The following FNIP1 variants were observed in gnomAD, a reference collection of about 807,000 sequenced individuals.
The protein encoded by FNIP1 is folliculin interacting protein 1.
In FNIP1, 40 loss-of-function variants were observed where a neutral mutation model predicts 124.5. That is an observed-to-expected ratio of 0.32 (90% CI 0.25 to 0.42). FNIP1 has a LOEUF of 0.42. Among genes scored for constraint, FNIP1 ranks in the 10% least tolerant of loss-of-function variants. The pLI is 1.00. For synonymous variants in FNIP1, 472 were observed against 470.6 expected, an observed-to-expected ratio of 1.00 and a Z score of -0.04; for missense variants, 1,176 against 1,403.7, an observed-to-expected ratio of 0.84 and a Z score of 2.59.
intron 1 of FNIP1, among the ~76,000 whole-genome samples, chr5:131,761,164 G>A (rs904706308): frequency 6.6e-6 from 1 of 152,100 alleles, no homozygotes; most frequent in South Asian, 2.1e-4. Flanking sequence ...CAAAGTATAT[G>A]GTCATATAAT....
At chr5:131,734,353 C>A (rs1259849365) in intron 2 of FNIP1, among the ~76,000 whole-genome samples, 1 of 152,110 alleles carries the variant, frequency 6.6e-6, no homozygotes, top group Non-Finnish European at 1.5e-5. Flanking sequence ...TTAGTTATTT[C>A]TTGCCTTCTG....
At chr5:131,740,882 G>T (rs1437297461) in intron 2 of FNIP1, among the ~76,000 whole-genome samples, 1 of 152,176 alleles carries the variant, frequency 6.6e-6, no homozygotes, top group East Asian at 1.9e-4. Flanking sequence ...CCAAGATGGC[G>T]ACAAGAGTGA....
chr5:131,671,037 A>G (rs988051060), intron 14 of FNIP1, among the ~76,000 whole-genome samples: 3 of 152,212 alleles, frequency 2.0e-5, no homozygotes, highest in Admixed American at 6.5e-5. Flanking sequence ...AAAACAATTA[A>G]ATGCCTCACA....
At chr5:131,649,762 A>G (rs1766991894) in intron 16 of FNIP1, among the ~76,000 whole-genome samples, 1 of 152,172 alleles carries the variant, frequency 6.6e-6, no homozygotes, top group African/African-American at 2.4e-5. Flanking sequence ...GTTTTCTTGT[A>G]AGTTTTATAG....
chr5:131,646,500 A>AGTC (rs1766884919), intron 17 of FNIP1, among the ~76,000 whole-genome samples: 2 of 152,216 alleles, frequency 1.3e-5, no homozygotes, highest in African/African-American at 2.4e-5. Context: ...ATGGCATTTC[A>AGTC]AGAAATAATT....
chr5:131,724,117 C>T (rs554099648), intron 3 of FNIP1, among the ~76,000 whole-genome samples: 4 of 152,286 alleles, frequency 2.6e-5, no homozygotes, highest in African/African-American at 9.6e-5. Flanking sequence ...CATTGATGGA[C>T]ATTTGGGTTG....
intron 15 of FNIP1, among the ~76,000 whole-genome samples, chr5:131,659,394 G>A (rs1369898309): frequency 1.3e-5 from 2 of 152,216 alleles, no homozygotes; most frequent in Admixed American, 1.3e-4. Flanking sequence ...CCATCGGACA[G>A]CTCATAGCTC....
At chr5:131,789,217 C>T (rs984091975) in intron 1 of FNIP1, among the ~76,000 whole-genome samples, 2 of 152,076 alleles carry the variant, frequency 1.3e-5, no homozygotes, top group African/African-American at 4.8e-5. Context: ...AAAAGTTGAT[C>T]TCATAGAAGT....
chr5:131,702,331 C>A (rs1042270192), intron 10 of FNIP1, among the ~76,000 whole-genome samples: 5 of 152,262 alleles, frequency 3.3e-5, no homozygotes, highest in East Asian at 3.9e-4. Context: ...TGTGCTCCCC[C>A]ATGCCTGGCT....
intron 1 of FNIP1, among the ~76,000 whole-genome samples, chr5:131,746,254 A>G (rs1473292840): frequency 6.6e-6 from 1 of 152,224 alleles, no homozygotes; most frequent in Non-Finnish European, 1.5e-5. Context: ...CTCATTAGTT[A>G]CAACAGGCTA....
chr5:131,753,140 C>A (rs1443464927), intron 1 of FNIP1, among the ~76,000 whole-genome samples: 4 of 152,014 alleles, frequency 2.6e-5, no homozygotes, highest in African/African-American at 9.7e-5. Flanking sequence ...CTAAAACTGA[C>A]ACGACTAATA....
At chr5:131,768,178 C>T (rs1045032686) in intron 1 of FNIP1, among the ~76,000 whole-genome samples, 2 of 152,068 alleles carry the variant, frequency 1.3e-5, no homozygotes, top group African/African-American at 4.8e-5. Context: ...ATTATATGCA[C>T]AAAAAATTCA....
Position 131,644,379 on chromosome 5 carries a change from A to T in FNIP1, c.*306T>A. On this transcript the variant is annotated 3_prime_UTR_variant, in exon 18 of 18. Transcript: ENST00000510461. ...GCTGTGACAACACTGCAGTGATCAC[A>T]TGAAACTCTTGATAATATTCATTTT... 4.2e-6 allele frequency: 1 copy of T among 237,306 alleles called. No individual in the cohort carries two copies. Among genetic ancestry groups the T allele is most frequent in the South Asian group, 5.8e-5 (1 of 17,302 alleles). The allele number at this position is 237,306 out of a possible 1,614,324, so 14.7% of individuals were successfully genotyped here.
intron 1 of FNIP1, among the ~76,000 whole-genome samples, 177 bp from the exon 2 acceptor site, chr5:131,744,867 A>G (rs1363160035): frequency 6.6e-6 from 1 of 151,510 alleles, no homozygotes; most frequent in Non-Finnish European, 1.5e-5. Flanking sequence ...TAAAGTAAAA[A>G]TAAAGGCAAA....
intron 12 of FNIP1, 149 bp from the exon 13 acceptor site, chr5:131,678,021 A>G (rs903043052): frequency 2.7e-5 from 17 of 637,542 alleles, no homozygotes; most frequent in Admixed American, 9.4e-5. Context: ...GGATGAGTAT[A>G]TAACACCAAG....
chr5:131,785,617 C>A (rs1021374007), intron 1 of FNIP1, among the ~76,000 whole-genome samples: 9 of 152,050 alleles, frequency 5.9e-5, no homozygotes, highest in African/African-American at 2.2e-4. Context: ...GTCAGGAGTT[C>A]CATGATTGGA....
At chr5:131,769,587 G>T (rs1771557815) in intron 1 of FNIP1, among the ~76,000 whole-genome samples, 1 of 152,172 alleles carries the variant, frequency 6.6e-6, no homozygotes, top group Non-Finnish European at 1.5e-5. Context: ...GACATACCAA[G>T]AAGTCTGAAT....
At chr5:131,737,533 T>C (rs1052621039) in intron 2 of FNIP1, among the ~76,000 whole-genome samples, 1 of 152,180 alleles carries the variant, frequency 6.6e-6, no homozygotes, top group African/African-American at 2.4e-5. Flanking sequence ...TTTTCCCCCA[T>C]AGTCTAAGCT....
chr5:131,735,262 G>A (rs978712680), intron 2 of FNIP1, among the ~76,000 whole-genome samples: 2 of 152,106 alleles, frequency 1.3e-5, no homozygotes, highest in Non-Finnish European at 2.9e-5. Context: ...TGAACAATGA[G>A]AACACTTGGA....
Sources: allele counts gnomAD v4.1 joint callset (sites outside exome capture counted in the v4.1 genomes callset), GRCh38; gene constraint gnomAD v4.1.1; transcripts MANE v1.5; gene names NCBI Gene and HGNC (gene_info 2026-07-23, HGNC 2026-07-21).